Variants in IL37 observed in about 807,000 individuals in gnomAD.
IL37 encodes the protein interleukin 37, also known as interleukin-37.
A neutral mutation model predicts 15.4 loss-of-function variants in IL37; 15 were observed. That is an observed-to-expected ratio of 0.98 (90% CI 0.65 to 1.50). The LOEUF (loss-of-function observed/expected upper bound fraction) is 1.50, where lower values mean the gene tolerates loss of function less well. Ranked by LOEUF, IL37 falls within the 40% of genes most tolerant of loss-of-function variation. IL37 has a pLI of 0.00. For missense variants in IL37, 269 were observed against 261.7 expected, an observed-to-expected ratio of 1.03 and a Z score of -0.19; for synonymous variants, 98 against 97.4, an observed-to-expected ratio of 1.01 and a Z score of -0.03.
intron 4 of IL37, 45 bp downstream of exon 4, chr2:112,917,293 G>C (rs1490526835): frequency 6.2e-7 from 1 of 1,603,026 alleles, no homozygotes; most frequent in African/African-American, 1.3e-5. Flanking sequence ...ACCTAGCAGG[G>C]GTAAGGCCTC....
chr2:112,915,329 C>A, intron 3 of IL37: 1 of 1,287,802 alleles, frequency 7.8e-7, no homozygotes, highest in Non-Finnish European at 1.1e-6. Flanking sequence ...TCACCCTGGA[C>A]TAACTGAATG....
intron 1 of IL37, among the ~76,000 whole-genome samples, chr2:112,911,665 C>T (rs533045095): frequency 1.3e-5 from 2 of 152,198 alleles, no homozygotes; most frequent in Non-Finnish European, 2.9e-5. Context: ...CTGCATTTAT[C>T]TTAATACAGG....
Position 112,917,630 on chromosome 2 carries a change from T to C in IL37, c.266-5T>C. On this transcript the variant is annotated splice_polypyrimidine_tract_variant and splice_region_variant and intron_variant, in intron 4 of 5. Transcript: ENST00000263326. ...CCCACACATGTTCTGACTGTCTTTT[T>C]CCAGAGATCTTCTTTGCATTAGCCT... 6.4e-7 allele frequency: 1 copy of C among 1,559,752 alleles called. No homozygotes were observed. Among genetic ancestry groups the C allele is most frequent in the Non-Finnish European group, 8.7e-7 (1 of 1,155,404 alleles).
At position 112,913,825 on chromosome 2, in the gene IL37, G is replaced by C. The variant is rs774037672; in HGVS notation, c.116G>C (p.Ser39Thr). 1 of 1,613,518 alleles carries C rather than the reference G, an allele frequency of 6.2e-7. No homozygotes were observed. Among genetic ancestry groups the C allele is most frequent in the Non-Finnish European group, 8.5e-7 (1 of 1,179,562 alleles). Residue 39 changes from serine (S) to threonine (T), a missense_variant, in exon 3 of 6, where the codon AGC (serine) becomes ACC (threonine). Coordinates refer to ENST00000263326, the MANE Select transcript of IL37 (RefSeq NM_014439.4). Reference protein sequence around the residue: ...PAGSPLEPGPSLPTMNFVHTS... With the variant: ...PAGSPLEPGPTLPTMNFVHTS... ...GGAAGCCCCCTGGAACCAGGCCCAA[G>C]CCTCCCCACCATGAATTTTGTTCAC...
chr2:112,918,197 G>T (rs946858157), intron 5 of IL37, among the ~76,000 whole-genome samples: 1 of 23,568 alleles, frequency 4.2e-5, no homozygotes, highest in African/African-American at 5.0e-5. Context: ...CCTGGATGGA[G>T]CACCTTTCAC....
intron 4 of IL37, 87 bp from the exon 5 acceptor site, chr2:112,917,548 C>T: frequency 7.6e-7 from 1 of 1,309,536 alleles, no homozygotes; most frequent in South Asian, 1.4e-5. Context: ...GGGAGAGGGA[C>T]TGTGCATCAG....
At chr2:112,917,846 C>T in intron 5 of IL37, 69 bp downstream of exon 5, 1 of 1,518,358 alleles carries the variant, frequency 6.6e-7, no homozygotes, top group Non-Finnish European at 9.1e-7. Flanking sequence ...TCCTCAATGC[C>T]TCTCGCTTTC....
rs762090083 is a variant in IL37, at chr2:112,918,752, A to G, written c.600A>G (p.Glu200=). The G allele has an allele frequency of 1.9e-6, 3 of 1,614,100 alleles. No homozygotes were observed. The highest frequency in any genetic ancestry group is 2.5e-6 in the Non-Finnish European group (3 of 1,180,020). ...AATTTGAGAACAGGAAACACATTGA[A>G]TTTTCATTTCAACCAGTTTGCAAAG... ...TDKFENRKHI[E]FSFQPVCKAE... The change falls in exon 6 of 6, where the codon GAA becomes GAG. Residue 200 remains glutamate (E), a synonymous_variant. Transcript: ENST00000263326.
intron 3 of IL37, among the ~76,000 whole-genome samples, chr2:112,916,716 A>G (rs1203744063): frequency 2.0e-5 from 3 of 152,198 alleles, no homozygotes; most frequent in African/African-American, 4.8e-5. Context: ...ATGATTATAA[A>G]AAGTCCTTTT....
At chr2:112,912,022 T>C (rs184029575) in intron 1 of IL37, among the ~76,000 whole-genome samples, 82 of 152,350 alleles carry the variant, frequency 5.4e-4, no homozygotes, top group African/African-American at 1.9e-3. Flanking sequence ...TGTTGAGTCC[T>C]GAAGCCCTTC....
chr2:112,917,303 C>T (rs2104979450), intron 4 of IL37, 55 bp downstream of exon 4: 2 of 1,594,558 alleles, frequency 1.3e-6, no homozygotes, highest in Non-Finnish European at 8.5e-7. Flanking sequence ...GGTAAGGCCT[C>T]CTGCTAGGTG....
intron 2 of IL37, among the ~76,000 whole-genome samples, chr2:112,913,391 C>T (rs1683221275): frequency 2.6e-5 from 4 of 152,222 alleles, no homozygotes; most frequent in Admixed American, 2.6e-4. Context: ...TGCACCTCTT[C>T]CCTCCCAACA....
intron 3 of IL37, among the ~76,000 whole-genome samples, chr2:112,914,731 T>C (rs1008784725): frequency 6.6e-6 from 1 of 152,152 alleles, no homozygotes; most frequent in African/African-American, 2.4e-5. Flanking sequence ...CACAAGCCTC[T>C]CTGTCGGGCC....
intron 3 of IL37, among the ~76,000 whole-genome samples, chr2:112,916,339 T>C (rs147131023): frequency 1.3e-5 from 2 of 152,290 alleles, no homozygotes; most frequent in African/African-American, 4.8e-5. Flanking sequence ...GAGGGTCACC[T>C]GTCCAATCAG....
intron 3 of IL37, chr2:112,915,182 G>T (rs550709087): frequency 1.2e-5 from 20 of 1,613,258 alleles, no homozygotes; most frequent in Non-Finnish European, 1.5e-5. Context: ...CATGTGAGAC[G>T]CTGAGATCCT....
rs1204410736 is a variant in IL37 at position 112,918,718 on chromosome 2, T to A, written c.566T>A (p.Val189Glu). The stretch of plus-strand genomic sequence containing the variant: ...TGCAATTGTAATGAGCCTGTTGGGG[T>A]GACAGATAAATTTGAGAACAGGAAA... ...TSCNCNEPVG[V>E]TDKFENRKHI... The change falls in exon 6 of 6, where the codon GTG (valine) becomes GAG (glutamate). Residue 189 changes from valine to glutamate, a missense_variant. By Grantham distance (121) the Val-to-Glu change is moderately radical. Transcript: ENST00000263326. 1 of 1,614,028 alleles carries A rather than the reference T, an allele frequency of 6.2e-7. No homozygotes were observed. Among genetic ancestry groups the A allele is most frequent in the Admixed American group, 1.7e-5 (1 of 59,998 alleles).
intron 3 of IL37, 104 bp downstream of exon 3, chr2:112,913,958 G>T: frequency 5.6e-6 from 5 of 887,214 alleles, no homozygotes; most frequent in Admixed American, 2.0e-5. Context: ...TGTAGAATGG[G>T]GACACCTAAG....
At chr2:112,911,392 A>AG (rs1683175317) in intron 1 of IL37, among the ~76,000 whole-genome samples, 144 bp downstream of exon 1, 1 of 152,174 alleles carries the variant, frequency 6.6e-6, no homozygotes, top group Non-Finnish European at 1.5e-5. Context: ...ACCTGCCCAG[A>AG]ACACCTTGCT....
intron 3 of IL37, chr2:112,915,328 A>T: frequency 7.7e-7 from 1 of 1,306,858 alleles, no homozygotes; most frequent in Non-Finnish European, 1.1e-6. Context: ...CTCACCCTGG[A>T]CTAACTGAAT....
Sources: allele counts gnomAD v4.1 joint callset (sites outside exome capture counted in the v4.1 genomes callset), GRCh38; gene constraint gnomAD v4.1.1; transcripts MANE v1.5; gene names NCBI Gene and HGNC (gene_info 2026-07-23, HGNC 2026-07-21).